The following LUZP2 variants were observed in gnomAD, a reference collection of about 807,000 sequenced individuals.
The protein encoded by LUZP2 is leucine zipper protein 2.
In LUZP2, 52 loss-of-function variants were observed where a neutral mutation model predicts 51.6. That is an observed-to-expected ratio of 1.01 (90% confidence interval 0.81 to 1.27). The LOEUF (loss-of-function observed/expected upper bound fraction) is 1.27, where lower values mean the gene tolerates loss of function less well. Among genes scored for constraint, LUZP2 ranks in the 50% most tolerant of loss-of-function variants. LUZP2 has a pLI of 0.00. For synonymous variants in LUZP2, 154 were observed against 137.3 expected, an observed-to-expected ratio of 1.12 and a Z score of -0.85; for missense variants, 436 against 395.4, an observed-to-expected ratio of 1.10 and a Z score of -0.87.
rs79697578 is a variant in LUZP2 at position 24,878,017 on chromosome 11, A to T, written c.397-27974A>T. Among the ~76,000 whole-genome samples, 1,021 of 151,750 alleles carry T rather than the reference A, an allele frequency of 6.7e-3. 15 individuals are homozygous for T. The highest frequency in any genetic ancestry group is 0.057 in the East Asian group (294 of 5,146). Reference sequence around the variant, plus strand: ...GTTATCTCTTCATCTGTTGATGGACACTTAGGTTGTAATTTATCTTTTAGT... The same window carrying T: ...GTTATCTCTTCATCTGTTGATGGACTCTTAGGTTGTAATTTATCTTTTAGT... On this transcript the variant is annotated intron_variant, in intron 5 of 11. Coordinates refer to ENST00000336930, the MANE Select transcript of LUZP2 (RefSeq NM_001009909.4).
At chr11:24,542,294 AG>A (rs1315120493) in intron 1 of LUZP2, among the ~76,000 whole-genome samples, 1 of 152,086 alleles carries the variant, frequency 6.6e-6, no homozygotes, top group African/African-American at 2.4e-5. Flanking sequence ...GTTACATTTC[AG>A]AATCATGGAG....
chr11:24,867,058 C>T (rs1377247911), intron 5 of LUZP2, among the ~76,000 whole-genome samples: 1 of 152,102 alleles, frequency 6.6e-6, no homozygotes, highest in East Asian at 1.9e-4. Flanking sequence ...CCTTTTGAAG[C>T]ATTAGCAGGC....
Position 24,518,503 on chromosome 11 carries a change from G to A in LUZP2, c.62+21198G>A, listed in dbSNP as rs192446442. 9.2e-5 allele frequency among the ~76,000 whole-genome samples: 14 copies of A among 152,174 alleles called. No individual in the cohort carries two copies. The East Asian group carries it at 9.7e-4, about 10-fold the overall frequency. On this transcript the variant is annotated intron_variant, in intron 1 of 11. Transcript: ENST00000336930. ...GAAATTTCTTCCTCCTTTTTAAAACGAATGGAAGAGAAACTGTTAAAAATT... is the reference window on the plus strand; with the variant it reads ...GAAATTTCTTCCTCCTTTTTAAAACAAATGGAAGAGAAACTGTTAAAAATT...
chr11:24,629,549 C>CATATATATATATATAT (rs3078021), intron 1 of LUZP2, among the ~76,000 whole-genome samples: 1 of 141,114 alleles, frequency 7.1e-6, no homozygotes, highest in African/African-American at 2.6e-5. Context: ...TATTCCATTG[C>CATATATATATATATAT]ATATATATAT....
chr11:25,015,928 A>AT (rs1156620130), intron 9 of LUZP2, among the ~76,000 whole-genome samples: 135 of 113,228 alleles, frequency 1.2e-3, no homozygotes, highest in South Asian at 9.3e-3. Context: ...TTACTTATTT[A>AT]TTTTTTTTTT....
At chr11:24,642,612 G>T (rs1855327647) in intron 1 of LUZP2, among the ~76,000 whole-genome samples, 1 of 151,714 alleles carries the variant, frequency 6.6e-6, no homozygotes, top group Non-Finnish European at 1.5e-5. Context: ...TAGTTTATTT[G>T]GTTGACACAG....
rs148387856 is a variant in LUZP2, at chr11:24,969,918, A to G, written c.523-6673A>G. 3.9e-4 allele frequency among the ~76,000 whole-genome samples: 60 copies of G among 152,194 alleles called. No individual in the cohort carries two copies. In the East Asian group the frequency reaches 9.8e-3, roughly 25 times the overall value. On this transcript the variant is annotated intron_variant, in intron 7 of 11. Transcript: ENST00000336930. ...GGTGGGAACACACACATGCGCGCGCACACACACACGCATACACTTTCTCTT... is the reference window on the plus strand; with the variant it reads ...GGTGGGAACACACACATGCGCGCGCGCACACACACGCATACACTTTCTCTT...
chr11:24,606,427 T>TTTTCAGCTTAAGATGGGTTA (rs1853920304), intron 1 of LUZP2, among the ~76,000 whole-genome samples: 2 of 152,024 alleles, frequency 1.3e-5, no homozygotes, highest in African/African-American at 4.8e-5. Context: ...TCTTGGATTA[T>TTTTCAGCTTAAGATGGGTTA]TTTCAGCTTA....
At chr11:24,499,919 G>A (rs1457242962) in intron 1 of LUZP2, among the ~76,000 whole-genome samples, 2 of 152,130 alleles carry the variant, frequency 1.3e-5, no homozygotes, top group African/African-American at 4.8e-5. Context: ...GTAGTCTTTT[G>A]ACTGTGTTGT....
chr11:25,080,783 A>G lies in LUZP2; in HGVS notation c.*2125A>G, dbSNP rs988998262. 1 of 152,082 alleles carries G rather than the reference A, an allele frequency of 6.6e-6. No individual in the cohort carries two copies. Among genetic ancestry groups the G allele is most frequent in the African/African-American group, 2.4e-5 (1 of 41,404 alleles). 9.4% of individuals were successfully genotyped at this position (152,082 alleles called of 1,614,324 possible). ...TTCCCTTGCAGGCCTTGTGGGTCCT[A>G]TAGAAAGTTATTCACCATGTAATCT... On this transcript the variant is annotated 3_prime_UTR_variant, in exon 12 of 12. Transcript: ENST00000336930.
At chr11:25,053,441 C>T (rs1858584618) in intron 10 of LUZP2, among the ~76,000 whole-genome samples, 1 of 151,890 alleles carries the variant, frequency 6.6e-6, no homozygotes, top group South Asian at 2.1e-4. Flanking sequence ...TAAAAATTCA[C>T]CCATATAAGT....
At chr11:24,569,601 AT>A (rs1564997344) in intron 1 of LUZP2, among the ~76,000 whole-genome samples, 1 of 152,050 alleles carries the variant, frequency 6.6e-6, no homozygotes, top group African/African-American at 2.4e-5. Flanking sequence ...GCAAAATAGC[AT>A]ATTATATAAA....
chr11:24,582,108 A>T (rs1393390768), intron 1 of LUZP2, among the ~76,000 whole-genome samples: 2 of 152,196 alleles, frequency 1.3e-5, no homozygotes, highest in African/African-American at 4.8e-5. Context: ...AATGGTTCAT[A>T]AAGAATAAGC....
intron 5 of LUZP2, chr11:24,786,245 A>G (rs925225382): frequency 6.1e-5 from 59 of 960,610 alleles, no homozygotes; most frequent in East Asian, 1.1e-4. Context: ...TCGTAATTGC[A>G]TGCATGCATG....
intron 5 of LUZP2, among the ~76,000 whole-genome samples, chr11:24,883,379 A>G (rs1261998144): frequency 2.1e-5 from 3 of 141,396 alleles, no homozygotes; most frequent in African/African-American, 9.5e-5. Context: ...GACTATCAGC[A>G]GGGATAACTT....
chr11:24,856,955 G>C (rs1766304034), intron 5 of LUZP2, among the ~76,000 whole-genome samples: 1 of 151,890 alleles, frequency 6.6e-6, no homozygotes, highest in Non-Finnish European at 1.5e-5. Flanking sequence ...GGGTGAGAAG[G>C]GGTTGAGGGA....
At chr11:24,878,098 G>GT (rs1491432423) in intron 5 of LUZP2, among the ~76,000 whole-genome samples, 50 of 18,460 alleles carry the variant, frequency 2.7e-3, no homozygotes, top group South Asian at 4.4e-3. Flanking sequence ...GTAATATTCT[G>GT]TGTTTTTTTT....
chr11:24,773,600 G>A (rs550284739), intron 5 of LUZP2, among the ~76,000 whole-genome samples: 1 of 152,084 alleles, frequency 6.6e-6, no homozygotes, highest in South Asian at 2.1e-4. Flanking sequence ...GACTTATTAT[G>A]GGAATCTTAC....
At chr11:24,544,482 A>G (rs1851479929) in intron 1 of LUZP2, among the ~76,000 whole-genome samples, 1 of 152,010 alleles carries the variant, frequency 6.6e-6, no homozygotes, top group Non-Finnish European at 1.5e-5. Flanking sequence ...GTTGTACCCT[A>G]CTATGTGTCC....
Sources: gnomAD v4.1 joint callset for allele counts (sites outside exome capture counted in the v4.1 genomes callset) on GRCh38, gnomAD v4.1.1 for gene constraint, MANE v1.5 for transcripts, NCBI Gene and HGNC (gene_info 2026-07-23, HGNC 2026-07-21) for gene names.